The following PALLD variants were observed in gnomAD, a reference collection of about 807,000 sequenced individuals.
PALLD encodes palladin, cytoskeletal associated protein, also known as palladin.
In PALLD, 61 loss-of-function variants were observed where a neutral mutation model predicts 123.5. That is an observed-to-expected ratio of 0.49 (90% confidence interval 0.40 to 0.61). The LOEUF (loss-of-function observed/expected upper bound fraction) is 0.61. Among genes scored for constraint, PALLD ranks in the 20% least tolerant of loss-of-function variants. PALLD has a pLI of 0.00. For synonymous variants in PALLD, 465 were observed against 496.4 expected (o/e 0.94, Z 0.84); for missense variants, 1,273 against 1,377.0 (o/e 0.92, Z 1.20).
chr4:168,568,794 AAT>A (rs1193652448), intron 2 of PALLD, among the ~76,000 whole-genome samples: 1 of 150,532 alleles, frequency 6.6e-6, no homozygotes, highest in African/African-American at 2.4e-5. Flanking sequence ...TATTATATAT[AAT>A]ATATGTATTC....
chr4:168,928,378 T>C lies in PALLD; in HGVS notation c.*2198T>C, dbSNP rs1377882749. 5.5e-6 allele frequency: 1 copy of C among 182,618 alleles called. No homozygotes were observed. The highest frequency in any genetic ancestry group is 9.0e-5 in the East Asian group (1 of 11,160). 11.3% of individuals were successfully genotyped at this position (182,618 alleles called of 1,614,324 possible). ...ATACTACTTTGGATTGTTGTGCTGG[T>C]GTAATGTGGATTTAACATCAATAAA... On this transcript the variant is annotated 3_prime_UTR_variant, in exon 22 of 22. Coordinates refer to ENST00000505667, the MANE Select transcript of PALLD (RefSeq NM_001166108.2).
intron 2 of PALLD, among the ~76,000 whole-genome samples, chr4:168,563,816 G>A (rs1264584315): frequency 6.6e-6 from 1 of 152,184 alleles, no homozygotes; most frequent in Non-Finnish European, 1.5e-5. Flanking sequence ...TAATGACCAA[G>A]AATTGTGAAG....
rs75484004 is a variant in PALLD at position 168,721,457 on chromosome 4, T to TA, written c.1964+9540dup. Among the ~76,000 whole-genome samples, 4,941 of 151,944 alleles carry TA rather than the reference T, an allele frequency of 0.033. 370 individuals are homozygous for TA. The East Asian group carries it at 0.33, about 10-fold the overall frequency. Reference sequence around the variant, plus strand: ...ACTTAATGTCAATTTTATGAAAAAATAAAAAATAATACACTTTAACCAACT... The same window carrying TA: ...ACTTAATGTCAATTTTATGAAAAAATAAAAAAATAATACACTTTAACCAACT... On this transcript the variant is annotated intron_variant, in intron 10 of 21. Transcript: ENST00000505667.
chr4:168,528,431 C>T (rs140587433), intron 2 of PALLD, among the ~76,000 whole-genome samples: 1 of 152,370 alleles, frequency 6.6e-6, no homozygotes, highest in African/African-American at 2.4e-5. Context: ...GTGGAATTTT[C>T]TCATTCGTTC....
At chr4:168,629,055 C>G (rs1355699444) in intron 2 of PALLD, among the ~76,000 whole-genome samples, 2 of 146,784 alleles carry the variant, frequency 1.4e-5, no homozygotes, top group African/African-American at 5.0e-5. Context: ...TCACTCTTGT[C>G]GCCCAGGCTG....
In PALLD at chr4:168,791,016, C is replaced by T. The variant is rs76207982; in HGVS notation, c.1964+79093C>T. On this transcript the variant is annotated intron_variant, in intron 10 of 21. Coordinates refer to ENST00000505667, the MANE Select transcript of PALLD (RefSeq NM_001166108.2). The stretch of plus-strand genomic sequence containing the variant: ...CTTTGTATATTCTTATTCCATATCC[C>T]TATGTTATAACAGGCATCAGACCTA... Among the ~76,000 whole-genome samples, 1,250 of 152,234 alleles carry T rather than the reference C, an allele frequency of 8.2e-3. 8 individuals are homozygous for T. Among genetic ancestry groups the T allele is most frequent in the Middle Eastern group, 0.024 (7 of 294 alleles).
At chr4:168,737,314 A>C (rs566997079) in intron 10 of PALLD, among the ~76,000 whole-genome samples, 4 of 152,334 alleles carry the variant, frequency 2.6e-5, no homozygotes, top group Admixed American at 6.5e-5. Flanking sequence ...TTTATAAGTC[A>C]AATGATATGC....
At chr4:168,537,607 T>C (rs1188389676) in intron 2 of PALLD, 1 of 152,196 alleles carries the variant, frequency 6.6e-6, no homozygotes, top group African/African-American at 2.4e-5. Context: ...CTTACACTAC[T>C]AATGAGACTG....
intron 12 of PALLD, among the ~76,000 whole-genome samples, chr4:168,895,251 G>A (rs28482934): frequency 0.011 from 1,729 of 152,208 alleles, 48 homozygotes; most frequent in African/African-American, 0.039. Flanking sequence ...GTGTGGTGAC[G>A]CACACCTGTA....
At chr4:168,637,275 C>T (rs1205118202) in intron 2 of PALLD, among the ~76,000 whole-genome samples, 1 of 152,002 alleles carries the variant, frequency 6.6e-6, no homozygotes, top group South Asian at 2.1e-4. Context: ...AGCCCCACTC[C>T]AGTCTTCCCT....
intron 10 of PALLD, among the ~76,000 whole-genome samples, chr4:168,778,180 C>T (rs1457038299): frequency 6.6e-6 from 1 of 152,096 alleles, no homozygotes; most frequent in African/African-American, 2.4e-5. Context: ...TTCAAATATT[C>T]CAGCCTCAAC....
chr4:168,660,177 G>T (rs116157918), intron 2 of PALLD, among the ~76,000 whole-genome samples: 1 of 152,168 alleles, frequency 6.6e-6, no homozygotes, highest in African/African-American at 2.4e-5. Context: ...AGTAGACCAC[G>T]TCAGGGAGGT....
intron 10 of PALLD, among the ~76,000 whole-genome samples, chr4:168,725,673 C>T (rs917619968): frequency 6.6e-6 from 1 of 151,618 alleles, no homozygotes. Context: ...ACTACAGGCA[C>T]CTGCCACCAC....
intron 10 of PALLD, among the ~76,000 whole-genome samples, chr4:168,717,921 A>G (rs1473964170): frequency 6.6e-6 from 1 of 152,194 alleles, no homozygotes; most frequent in African/African-American, 2.4e-5. Flanking sequence ...ATGAAAAATG[A>G]GACATTCGGA....
chr4:168,863,684 G>A (rs1370710730), intron 10 of PALLD: 2 of 152,106 alleles, frequency 1.3e-5, no homozygotes, highest in African/African-American at 2.4e-5. Context: ...TGACTTTATT[G>A]TCTTCTGGTT....
intron 8 of PALLD, among the ~76,000 whole-genome samples, chr4:168,705,295 A>G (rs954735929): frequency 1.3e-5 from 2 of 152,214 alleles, no homozygotes; most frequent in Admixed American, 6.5e-5. Context: ...AAAGGCAGGA[A>G]CCATTAATTA....
rs533269596 is a variant in PALLD at position 168,921,584 on chromosome 4, C to T, written c.2901C>T (p.Pro967=). The T allele has an allele frequency of 1.2e-5, 19 of 1,609,098 alleles. No individual in the cohort carries two copies. In the Admixed American group the frequency reaches 1.3e-4, roughly 11 times the overall value. The change falls in exon 18 of 22, where the codon CCC becomes CCT. Residue 967 remains proline (P), a synonymous_variant. Transcript: ENST00000505667. Reference sequence around the variant, plus strand: ...TAAGCTGGCAACTAGATGGAAAGCCCGTACGCCCTGACAGTGCTCACAAGA... The same window carrying T: ...TAAGCTGGCAACTAGATGGAAAGCCTGTACGCCCTGACAGTGCTCACAAGA... ...PDLSWQLDGK[P]VRPDSAHKML... is the part of the protein sequence containing the mutation.
intron 2 of PALLD, among the ~76,000 whole-genome samples, chr4:168,635,410 T>C (rs1776242913): frequency 6.6e-6 from 1 of 152,220 alleles, no homozygotes; most frequent in East Asian, 1.9e-4. Flanking sequence ...GCCTCTCCTA[T>C]GTGGGCTACC....
At chr4:168,699,992 C>T in intron 8 of PALLD, 1 of 235,312 alleles carries the variant, frequency 4.2e-6, no homozygotes, top group South Asian at 5.8e-5. Context: ...TTCTGATTTC[C>T]ATTCCTTACC....
Sources: allele counts gnomAD v4.1 joint callset (sites outside exome capture counted in the v4.1 genomes callset), GRCh38; gene constraint gnomAD v4.1.1; transcripts MANE v1.5; gene names NCBI Gene and HGNC (gene_info 2026-07-23, HGNC 2026-07-21).